The following HAPSTR1 variants were observed in gnomAD, a reference collection of about 807,000 sequenced individuals.
HAPSTR1 encodes the protein HUWE1-associated protein modifying stress responses 1.
chr16:9,091,838 G>C, the HAPSTR1 span: 1 of 399,136 alleles, frequency 2.5e-6, no homozygotes, highest in Non-Finnish European at 4.3e-6. Flanking sequence ...GGGAAGGCCT[G>C]GGGCGGGGGT....
chr16:9,100,558 G>A, the HAPSTR1 span, among the ~76,000 whole-genome samples: 1 of 151,682 alleles, frequency 6.6e-6, no homozygotes, highest in Non-Finnish European at 1.5e-5. Context: ...TTTTGAGAGA[G>A]AGTCTTACTC....
At chr16:9,094,814 G>C in the HAPSTR1 span, among the ~76,000 whole-genome samples, 1 of 152,196 alleles carries the variant, frequency 6.6e-6, no homozygotes, top group East Asian at 1.9e-4. Context: ...TTATGTGCCA[G>C]GTTCTTAGCC....
At chr16:9,092,831 C>G in the HAPSTR1 span, 1 of 1,328,122 alleles carries the variant, frequency 7.5e-7, no homozygotes, top group Non-Finnish European at 1.0e-6. Flanking sequence ...GTGATTGACG[C>G]GCAAATAACA....
At chr16:9,114,853 G>A in the HAPSTR1 span, among the ~76,000 whole-genome samples, 2 of 152,128 alleles carry the variant, frequency 1.3e-5, no homozygotes, top group Non-Finnish European at 2.9e-5. Flanking sequence ...AGATATTATA[G>A]GTGTCATAGG....
chr16:9,120,985 C>G, the HAPSTR1 span: 2 of 152,006 alleles, frequency 1.3e-5, no homozygotes, highest in African/African-American at 2.4e-5. Context: ...TTTTCTTTTT[C>G]TTGTTTTTTG....
the HAPSTR1 span, among the ~76,000 whole-genome samples, chr16:9,095,518 A>G: frequency 6.6e-6 from 1 of 152,118 alleles, no homozygotes; most frequent in Non-Finnish European, 1.5e-5. Context: ...AATATCTGAC[A>G]AGGTAAAAAT....
the HAPSTR1 span, among the ~76,000 whole-genome samples, chr16:9,094,783 G>T: frequency 6.6e-6 from 1 of 152,150 alleles, no homozygotes; most frequent in Non-Finnish European, 1.5e-5. Context: ...TGAAGGGGAA[G>T]GCAACACATT....
the HAPSTR1 span, among the ~76,000 whole-genome samples, chr16:9,102,719 ATCTC>A: frequency 2.0e-5 from 3 of 152,088 alleles, no homozygotes; most frequent in Non-Finnish European, 4.4e-5. Flanking sequence ...AAGATACCTA[ATCTC>A]TCTGTTTCTG....
chr16:9,099,032 A>G, the HAPSTR1 span, among the ~76,000 whole-genome samples: 7 of 152,220 alleles, frequency 4.6e-5, no homozygotes, highest in African/African-American at 1.7e-4. Context: ...CTTCAGAATC[A>G]ATATAATTCT....
the HAPSTR1 span, among the ~76,000 whole-genome samples, chr16:9,094,249 A>G: frequency 2.1e-4 from 32 of 152,294 alleles, 1 homozygote; most frequent in Admixed American, 1.8e-3. Context: ...TTACTGAAAA[A>G]AGGGAAACAT....
At chr16:9,097,350 C>T in the HAPSTR1 span, among the ~76,000 whole-genome samples, 4 of 151,840 alleles carry the variant, frequency 2.6e-5, no homozygotes, top group Admixed American at 1.3e-4. Flanking sequence ...TCAAGTGATC[C>T]TCCCACCTCA....
chr16:9,093,542 G>C, the HAPSTR1 span, among the ~76,000 whole-genome samples: 13 of 152,220 alleles, frequency 8.5e-5, no homozygotes, highest in African/African-American at 3.1e-4. Flanking sequence ...GTGCTTGAAA[G>C]CTTGCTAATC....
At chr16:9,120,278 A>T in the HAPSTR1 span, 1 of 152,174 alleles carries the variant, frequency 6.6e-6, no homozygotes, top group South Asian at 2.1e-4. Flanking sequence ...CCCTTCTGGA[A>T]AGTTGTCGGC....
the HAPSTR1 span, among the ~76,000 whole-genome samples, chr16:9,095,566 A>G: frequency 4.6e-5 from 7 of 152,072 alleles, no homozygotes; most frequent in South Asian, 4.2e-4. Context: ...TGGCACTCCT[A>G]CCAGCTTCTT....
the HAPSTR1 span, chr16:9,108,586 G>A: frequency 6.6e-6 from 1 of 152,182 alleles, no homozygotes; most frequent in African/African-American, 2.4e-5. Context: ...AGGTGTCGAG[G>A]TGGGAAAGAT....
the HAPSTR1 span, chr16:9,105,851 A>C: frequency 6.6e-6 from 1 of 152,234 alleles, no homozygotes; most frequent in Non-Finnish European, 1.5e-5. Context: ...TAATGAAAGC[A>C]AACTCAGTTC....
chr16:9,096,757 T>G, the HAPSTR1 span, among the ~76,000 whole-genome samples: 2 of 152,186 alleles, frequency 1.3e-5, no homozygotes, highest in South Asian at 4.1e-4. Flanking sequence ...ATTTAACTTT[T>G]CATGCCTGTA....
the HAPSTR1 span, chr16:9,091,986 G>A: frequency 7.4e-7 from 1 of 1,357,610 alleles, no homozygotes; most frequent in Non-Finnish European, 9.6e-7. Context: ...CTCCCGCGGG[G>A]GCCCCGCCTG....
the HAPSTR1 span, among the ~76,000 whole-genome samples, chr16:9,096,699 A>C: frequency 6.6e-6 from 1 of 152,208 alleles, no homozygotes; most frequent in African/African-American, 2.4e-5. Context: ...CTTTGTTCAA[A>C]ATACCTTAGT....
Sources: allele counts gnomAD v4.1 joint callset (sites outside exome capture counted in the v4.1 genomes callset), GRCh38; gene constraint gnomAD v4.1.1; transcripts MANE v1.5; gene names NCBI Gene and HGNC (gene_info 2026-07-23, HGNC 2026-07-21).